The following CHLSN variants were observed in gnomAD, a reference collection of about 807,000 sequenced individuals.
CHLSN encodes the protein cholesin, also known as protein cholesin.
the CHLSN span, among the ~76,000 whole-genome samples, chr7:1,066,864 A>G: frequency 6.8e-6 from 1 of 147,018 alleles, no homozygotes; most frequent in Non-Finnish European, 1.5e-5. Context: ...CGGAGGCAGG[A>G]GTACACCCCA....
chr7:1,085,734 G>A, the CHLSN span, among the ~76,000 whole-genome samples: 1 of 151,888 alleles, frequency 6.6e-6, no homozygotes, highest in Non-Finnish European at 1.5e-5. Context: ...CTCAGGGGCC[G>A]GGGTGGGAGG....
chr7:1,044,197 G>A, the CHLSN span, among the ~76,000 whole-genome samples: 6 of 152,358 alleles, frequency 3.9e-5, no homozygotes, highest in South Asian at 8.3e-4. Flanking sequence ...CCTTTGGAGG[G>A]CGGTGGGGCC....
the CHLSN span, chr7:1,057,579 C>G: frequency 2.5e-5 from 19 of 772,572 alleles, no homozygotes; most frequent in Middle Eastern, 2.4e-4. Flanking sequence ...CTGCCAGGAC[C>G]TGCAGCTGGG....
chr7:1,041,220 C>T, the CHLSN span, among the ~76,000 whole-genome samples: 4 of 145,898 alleles, frequency 2.7e-5, no homozygotes, highest in Non-Finnish European at 6.1e-5. Context: ...GGAACGGGAC[C>T]TGGGCTCCGC....
chr7:999,032 T>C, the CHLSN span, among the ~76,000 whole-genome samples: 3 of 152,164 alleles, frequency 2.0e-5, no homozygotes, highest in African/African-American at 7.2e-5. Context: ...AAATGCACAT[T>C]TGTGTGTTTG....
At chr7:1,083,801 G>A in the CHLSN span, among the ~76,000 whole-genome samples, 1 of 152,164 alleles carries the variant, frequency 6.6e-6, no homozygotes, top group African/African-American at 2.4e-5. Context: ...CGGCACCGAC[G>A]CGCCCACGTC....
the CHLSN span, among the ~76,000 whole-genome samples, chr7:1,127,651 GCACAATCTCGGCTCATCCCAC>G: frequency 1.5e-5 from 1 of 68,338 alleles, no homozygotes; most frequent in Non-Finnish European, 4.0e-5. Context: ...GAGTGCAGTG[GCACAATCTCGGCTCATCCCAC>G]CGTCACCCGG....
the CHLSN span, among the ~76,000 whole-genome samples, chr7:1,011,477 C>G: frequency 7.0e-6 from 1 of 143,280 alleles, no homozygotes; most frequent in African/African-American, 2.7e-5. Flanking sequence ...ACACCCACAC[C>G]CAGACACACC....
the CHLSN span, among the ~76,000 whole-genome samples, chr7:1,033,208 A>T: frequency 6.6e-6 from 1 of 152,226 alleles, no homozygotes; most frequent in Non-Finnish European, 1.5e-5. Context: ...AAAGAGTCAC[A>T]CACCATGCAT....
the CHLSN span, among the ~76,000 whole-genome samples, chr7:1,038,989 G>A: frequency 4.2e-5 from 3 of 71,526 alleles, no homozygotes; most frequent in Non-Finnish European, 5.9e-5. Context: ...CCGGCCAGCC[G>A]CCCCGTCCGG....
the CHLSN span, among the ~76,000 whole-genome samples, chr7:999,432 A>G: frequency 5.5e-4 from 83 of 151,750 alleles, no homozygotes; most frequent in East Asian, 0.015. Flanking sequence ...AGGGCTTACA[A>G]TCGGCTTGCA....
the CHLSN span, chr7:1,091,485 G>T: frequency 4.1e-6 from 2 of 490,416 alleles, no homozygotes; most frequent in African/African-American, 1.9e-5. Context: ...GGACGAGCAC[G>T]CGGAGGGCCC....
chr7:1,009,537 G>A, the CHLSN span, among the ~76,000 whole-genome samples: 4 of 152,154 alleles, frequency 2.6e-5, no homozygotes, highest in Non-Finnish European at 4.4e-5. Flanking sequence ...CACAATCCCC[G>A]TCTTCCCGCT....
At chr7:1,005,397 A>G in the CHLSN span, among the ~76,000 whole-genome samples, 1 of 152,248 alleles carries the variant, frequency 6.6e-6, no homozygotes. Context: ...GCCGGCCCGC[A>G]GCCACAGCGT....
the CHLSN span, among the ~76,000 whole-genome samples, chr7:1,134,223 C>T: frequency 2.0e-5 from 3 of 148,756 alleles, no homozygotes; most frequent in South Asian, 6.4e-4. Context: ...CAGTGAATCA[C>T]GATCACGCCA....
At chr7:1,035,501 C>G in the CHLSN span, among the ~76,000 whole-genome samples, 1 of 152,228 alleles carries the variant, frequency 6.6e-6, no homozygotes, top group Non-Finnish European at 1.5e-5. Flanking sequence ...AAACCTCGAA[C>G]CAAAGAAGAT....
At chr7:1,002,319 AATCCTGTGGGT>A in the CHLSN span, among the ~76,000 whole-genome samples, 1 of 91,666 alleles carries the variant, frequency 1.1e-5, no homozygotes, top group Non-Finnish European at 2.1e-5. Context: ...GTGGGTAGGG[AATCCTGTGGGT>A]GTGGAGCCCT....
chr7:1,136,540 G>GAACATATATA, the CHLSN span, among the ~76,000 whole-genome samples: 1 of 106,322 alleles, frequency 9.4e-6, no homozygotes, highest in Non-Finnish European at 1.9e-5. Flanking sequence ...ACATATATAT[G>GAACATATATA]AACATATATA....
At chr7:1,040,673 C>T in the CHLSN span, among the ~76,000 whole-genome samples, 1 of 123,784 alleles carries the variant, frequency 8.1e-6, no homozygotes, top group Admixed American at 9.3e-5. Context: ...AAAGCAGATC[C>T]TTAAAATTAA....
Sources: gnomAD v4.1 joint callset for allele counts (sites outside exome capture counted in the v4.1 genomes callset) on GRCh38, gnomAD v4.1.1 for gene constraint, MANE v1.5 for transcripts, NCBI Gene and HGNC (gene_info 2026-07-23, HGNC 2026-07-21) for gene names.